The following EXOSC4 variants were observed in gnomAD, a reference collection of about 807,000 sequenced individuals.
EXOSC4 encodes the protein exosome component 4.
In EXOSC4, 14 loss-of-function variants were observed where a neutral mutation model predicts 20.0. The ratio of observed to expected loss-of-function variants is 0.70; its 90% CI spans 0.46 to 1.09. EXOSC4 has a LOEUF of 1.09. EXOSC4 is among the 50% of genes least tolerant of loss of function. The pLI, the probability that EXOSC4 is intolerant of heterozygous loss-of-function variation, is 0.00. For missense variants in EXOSC4, 337 were observed against 334.0 expected (o/e 1.01, Z -0.07); for synonymous variants, 148 against 146.4 (o/e 1.01, Z -0.08).
At chr8:144,072,035 T>C in the EXOSC4 span, among the ~76,000 whole-genome samples, 144 of 152,332 alleles carry the variant, frequency 9.5e-4, 1 homozygote, top group African/African-American at 3.3e-3. Flanking sequence ...TATGTGATAC[T>C]GTGTTACATG....
Position 144,080,596 on chromosome 8 carries a change from G to T in EXOSC4, c.733G>T (p.Asp245Tyr). The change falls in exon 3 of 3, where the codon GAC becomes TAC. Residue 245 changes from aspartate to tyrosine, a missense_variant. Transcript: ENST00000316052. The surrounding 1 kb of genome is among the most constrained non-coding windows in gnomAD (Gnocchi z 4.9). The part of the protein sequence containing the change: ...HVREASILLG[D>Y] ...GCGTGAGGCCTCTATCTTGCTGGGG[G>T]ACTGACCACCCAGCCACCCATGTCC... is the stretch of plus-strand genomic sequence containing the variant. 1 of 1,596,690 alleles carries T rather than the reference G, an allele frequency of 6.3e-7. No individual in the cohort carries two copies. The highest frequency in any genetic ancestry group is 8.5e-7 in the Non-Finnish European group (1 of 1,178,504).
chr8:144,068,393 G>A, the EXOSC4 span, among the ~76,000 whole-genome samples: 6 of 152,112 alleles, frequency 3.9e-5, no homozygotes, highest in South Asian at 2.1e-4. Flanking sequence ...TATAAACCTC[G>A]CCATTCTTCA....
chr8:144,065,447 G>A, the EXOSC4 span, among the ~76,000 whole-genome samples: 6 of 152,086 alleles, frequency 3.9e-5, no homozygotes, highest in African/African-American at 1.2e-4. Flanking sequence ...TTTAATTCTC[G>A]GCCGGGTGCA....
the EXOSC4 span, among the ~76,000 whole-genome samples, chr8:144,069,087 T>C: frequency 2.0e-5 from 3 of 152,202 alleles, no homozygotes; most frequent in Non-Finnish European, 4.4e-5. Flanking sequence ...GTGAAACTGA[T>C]AGCAGCAAAT....
chr8:144,077,549 T>C (rs1390382947), upstream of EXOSC4, among the ~76,000 whole-genome samples: 2 of 152,106 alleles, frequency 1.3e-5, no homozygotes, highest in Admixed American at 1.3e-4. Context: ...CAGACCACAT[T>C]TCCCTAGCCC....
upstream of EXOSC4, among the ~76,000 whole-genome samples, chr8:144,075,489 G>A (rs1297606418): frequency 6.6e-6 from 1 of 152,128 alleles, no homozygotes; most frequent in African/African-American, 2.4e-5. Flanking sequence ...GCCTCCCAAA[G>A]TGCTGGGATT....
At chr8:144,069,913 C>T in the EXOSC4 span, among the ~76,000 whole-genome samples, 2 of 152,194 alleles carry the variant, frequency 1.3e-5, no homozygotes, top group Non-Finnish European at 2.9e-5. Flanking sequence ...AAGCACTAAA[C>T]GCCAGGGTGA....
chr8:144,070,379 C>A, the EXOSC4 span, among the ~76,000 whole-genome samples: 1 of 151,858 alleles, frequency 6.6e-6, no homozygotes, highest in African/African-American at 2.4e-5. Context: ...CAAAATTGCG[C>A]TGGGTGTGGT....
the EXOSC4 span, among the ~76,000 whole-genome samples, chr8:144,067,355 G>A: frequency 6.6e-6 from 1 of 152,156 alleles, no homozygotes; most frequent in Non-Finnish European, 1.5e-5. Context: ...TCCAAAGGAT[G>A]GGTCTCTTTC....
At chr8:144,076,687 T>C (rs1469229303), upstream of EXOSC4, among the ~76,000 whole-genome samples, 1 of 152,180 alleles carries the variant, frequency 6.6e-6, no homozygotes, top group Admixed American at 6.5e-5. Flanking sequence ...ACCAACATCG[T>C]CCTCATTGTC....
In EXOSC4 at chr8:144,080,197, G is replaced by T. The variant is rs1343248745; in HGVS notation, c.379-45G>T. 1 of 1,608,598 alleles carries T rather than the reference G, an allele frequency of 6.2e-7. No individual in the cohort carries two copies. The highest frequency in any genetic ancestry group is 8.5e-7 in the Non-Finnish European group (1 of 1,176,196). On this transcript the variant is annotated intron_variant, in intron 2 of 2. Coordinates refer to ENST00000316052, the MANE Select transcript of EXOSC4 (RefSeq NM_019037.3). This position sits in a 1 kb window ranked among gnomAD's most constrained non-coding sequence, Gnocchi z 4.9. ...TCCAGGGAGGGAAGGGTGTGATGGGGTTGGGGAGGGAGTCTGATAGACTGA... is the reference window on the plus strand; with the variant it reads ...TCCAGGGAGGGAAGGGTGTGATGGGTTTGGGGAGGGAGTCTGATAGACTGA...
the EXOSC4 span, among the ~76,000 whole-genome samples, chr8:144,065,018 A>AT: frequency 3.3e-5 from 5 of 150,664 alleles, no homozygotes; most frequent in Non-Finnish European, 7.4e-5. Flanking sequence ...ATTTTTTTGT[A>AT]TTTTTTTTAG....
upstream of EXOSC4, among the ~76,000 whole-genome samples, chr8:144,074,039 C>T (rs1271006063): frequency 6.6e-6 from 1 of 152,148 alleles, no homozygotes; most frequent in Non-Finnish European, 1.5e-5. Context: ...TGCTGGGATA[C>T]GGCCTGTGCT....
intron 1 of EXOSC4, chr8:144,079,347 C>A: frequency 4.8e-6 from 1 of 207,532 alleles, no homozygotes; most frequent in Non-Finnish European, 1.0e-5. Flanking sequence ...AGGAACTTTA[C>A]ATAAAACTAT....
chr8:144,074,664 C>T (rs782801957), upstream of EXOSC4, among the ~76,000 whole-genome samples: 1 of 152,182 alleles, frequency 6.6e-6, no homozygotes. Flanking sequence ...CCAACTCCCT[C>T]GGCTCAGGCC....
At position 144,080,251 on chromosome 8, in the gene EXOSC4, G is replaced by A; in HGVS notation, c.388G>A (p.Ala130Thr). The change falls in exon 3 of 3, where the codon GCA becomes ACA. Residue 130 changes from alanine (A) to threonine (T), a missense_variant. Physicochemically the swap from Ala to Thr is moderately conservative, Grantham distance 58. Transcript: ENST00000316052. This position sits in a 1 kb window ranked among gnomAD's most constrained non-coding sequence, Gnocchi z 4.9. ...QIDIYVQVLQADGGTYAACVN... is the reference protein window; with the variant it reads ...QIDIYVQVLQTDGGTYAACVN... ...CCTGGGTTCCCTGCAGGTGCTACAG[G>A]CAGATGGTGGGACCTATGCAGCTTG... 6.2e-7 allele frequency: 1 copy of A among 1,613,322 alleles called. No individual in the cohort carries two copies. Among genetic ancestry groups the A allele is most frequent in the East Asian group, 2.2e-5 (1 of 44,872 alleles).
chr8:144,080,060 T>G lies in EXOSC4; in HGVS notation c.289T>G (p.Cys97Gly), dbSNP rs1383403075. 20 of 1,614,084 alleles carry G rather than the reference T, an allele frequency of 1.2e-5. No individual in the cohort carries two copies. Among genetic ancestry groups the G allele is most frequent in the Non-Finnish European group, 1.7e-5 (20 of 1,180,026 alleles). ...KRRPHGDRKS[C>G]EMGLQLRQTF... ...ACGGCCACATGGGGACCGTAAGTCC[T>G]GTGAGATGGGCCTGCAGCTCCGCCA... is the stretch of plus-strand genomic sequence containing the variant. Residue 97 changes from cysteine (C) to glycine (G), a missense_variant, in exon 2 of 3, where the codon TGT becomes GGT. By Grantham distance (159) the Cys-to-Gly change is radical. Transcript: ENST00000316052. This position sits in a 1 kb window ranked among gnomAD's most constrained non-coding sequence, Gnocchi z 4.9.
chr8:144,080,161 G>A lies in EXOSC4; in HGVS notation c.378+12G>A, dbSNP rs1267088279. The A allele has an allele frequency of 4.4e-6, 7 of 1,608,288 alleles. No individual in the cohort carries two copies. Among genetic ancestry groups the A allele is most frequent in the South Asian group, 2.2e-5 (2 of 90,848 alleles). On this transcript the variant is annotated intron_variant, in intron 2 of 2. Transcript: ENST00000316052. The surrounding 1 kb of genome is among the most constrained non-coding windows in gnomAD (Gnocchi z 4.9). ...ATATCTATGTGCAGGTGAGCCAGCTGCAGCCGTCAATCCAGGGAGGGAAGG... is the reference window on the plus strand; with the variant it reads ...ATATCTATGTGCAGGTGAGCCAGCTACAGCCGTCAATCCAGGGAGGGAAGG...
At chr8:144,068,771 C>T in the EXOSC4 span, among the ~76,000 whole-genome samples, 3 of 152,242 alleles carry the variant, frequency 2.0e-5, no homozygotes, top group African/African-American at 4.8e-5. Context: ...GCTGAGGACA[C>T]GGGTTCCTTC....
Sources: allele counts gnomAD v4.1 joint callset (sites outside exome capture counted in the v4.1 genomes callset), GRCh38; gene constraint gnomAD v4.1.1; non-coding constraint Gnocchi (gnomAD v3.1); transcripts MANE v1.5; gene names NCBI Gene and HGNC (gene_info 2026-07-23, HGNC 2026-07-21).